Variants in KY observed in about 807,000 individuals in gnomAD.
KY encodes kyphoscoliosis peptidase.
A neutral mutation model predicts 76.1 loss-of-function variants in KY; 43 were observed. The ratio of observed to expected loss-of-function variants is 0.57; its 90% confidence interval spans 0.44 to 0.73. KY has a LOEUF of 0.73. Among genes scored for constraint, KY ranks in the 30% least tolerant of loss-of-function variants. KY has a pLI of 0.00. For synonymous variants in KY, 277 were observed against 326.2 expected (o/e 0.85, Z 1.63); for missense variants, 722 against 828.9 (o/e 0.87, Z 1.58).
rs979538811 is a variant in KY at position 134,600,716 on chromosome 3, C to T, written c.*2863G>A. On this transcript the variant is annotated 3_prime_UTR_variant, in exon 11 of 11. Coordinates refer to ENST00000423778, the MANE Select transcript of KY (RefSeq NM_178554.6). ...TCAATGGTATAGTAATGAGTGTAGT[C>T]ACAGCTGTTCCATCCAGTCCTATGT... The T allele has an allele frequency of 5.9e-5, 9 of 152,204 alleles. No individual in the cohort carries two copies. Among genetic ancestry groups the T allele is most frequent in the Non-Finnish European group, 2.9e-5 (2 of 68,060 alleles). 9.4% of individuals were successfully genotyped at this position (152,204 alleles called of 1,614,324 possible). A position where few individuals can be genotyped will look rare whatever the true frequency, so the allele number is the denominator to read the frequency against.
chr3:134,626,253 G>A (rs1176399363), intron 5 of KY, among the ~76,000 whole-genome samples: 1 of 152,222 alleles, frequency 6.6e-6, no homozygotes, highest in Non-Finnish European at 1.5e-5. Context: ...GGGCAAGTGA[G>A]GTGTGCTGGA....
At position 134,603,032 on chromosome 3, in the gene KY, A is replaced by T. The variant is rs2107729258; in HGVS notation, c.*547T>A. 6.6e-6 allele frequency: 1 copy of T among 152,442 alleles called. No individual in the cohort carries two copies. Among genetic ancestry groups the T allele is most frequent in the African/African-American group, 2.4e-5 (1 of 41,586 alleles). 9.4% of individuals were successfully genotyped at this position (152,442 alleles called of 1,614,324 possible). The stretch of plus-strand genomic sequence containing the variant: ...AAGAAGTAGCTAATGAAGAGGCAGC[A>T]GGATGCAGAAGATGATCAGGTCTGG... On this transcript the variant is annotated 3_prime_UTR_variant, in exon 11 of 11. Transcript: ENST00000423778.
At chr3:134,606,305 C>T (rs1368788570) in intron 10 of KY, among the ~76,000 whole-genome samples, 2 of 152,176 alleles carry the variant, frequency 1.3e-5, no homozygotes, top group Non-Finnish European at 2.9e-5. Context: ...CCTGGGCTCA[C>T]GGCAGAGCCC....
At chr3:134,650,282 C>T (rs1577861740) in intron 1 of KY, among the ~76,000 whole-genome samples, 1 of 152,228 alleles carries the variant, frequency 6.6e-6, no homozygotes, top group Non-Finnish European at 1.5e-5. Context: ...ACCTGCGTTC[C>T]TTTTACGCCT....
chr3:134,618,689 G>A (rs1431793866), intron 8 of KY, among the ~76,000 whole-genome samples: 5 of 152,178 alleles, frequency 3.3e-5, no homozygotes, highest in East Asian at 1.9e-4. Context: ...AAGAGTAGCC[G>A]CTTCGTAGTG....
intron 3 of KY, among the ~76,000 whole-genome samples, chr3:134,641,514 A>C (rs1476768915): frequency 6.6e-6 from 1 of 152,174 alleles, no homozygotes; most frequent in Non-Finnish European, 1.5e-5. Flanking sequence ...AGCCTCTAGC[A>C]GCAGGAAGAG....
intron 3 of KY, among the ~76,000 whole-genome samples, chr3:134,635,822 G>C (rs935980333): frequency 1.3e-5 from 2 of 152,070 alleles, no homozygotes; most frequent in African/African-American, 4.8e-5. Flanking sequence ...GATACAGAAC[G>C]ATATAAAGCA....
chr3:134,619,744 G>T (rs768800079), intron 7 of KY, among the ~76,000 whole-genome samples: 3 of 152,240 alleles, frequency 2.0e-5, no homozygotes, highest in Non-Finnish European at 4.4e-5. Flanking sequence ...TGAGGCCTGT[G>T]GTGAGGCCCT....
rs145663667 is a variant in KY, at chr3:134,618,054, C to T, written c.710+1094G>A. ...GTGGCATATTCTGTACCCTGACCCA[C>T]CGTGGCTGCGTCTGGGGCTGTGGTC... is the stretch of plus-strand genomic sequence containing the variant. On this transcript the variant is annotated intron_variant, in intron 8 of 10. Transcript: ENST00000423778. Among the ~76,000 whole-genome samples, 468 of 152,206 alleles carry T rather than the reference C, an allele frequency of 3.1e-3. 2 individuals are homozygous for T. The highest frequency in any genetic ancestry group is 0.01 in the African/African-American group (435 of 41,506).
chr3:134,616,388 C>G (rs568452209), intron 8 of KY, among the ~76,000 whole-genome samples: 1 of 152,162 alleles, frequency 6.6e-6, no homozygotes, highest in Non-Finnish European at 1.5e-5. Context: ...CCCTGACAAC[C>G]AAGAAGGGAT....
chr3:134,608,259 G>A (rs768482373), intron 10 of KY: 57 of 1,197,346 alleles, frequency 4.8e-5, no homozygotes, highest in African/African-American at 7.9e-5. Flanking sequence ...CCAGGGTGAC[G>A]TAGTCCTTTT....
chr3:134,641,787 C>T (rs1965797367), intron 3 of KY, among the ~76,000 whole-genome samples: 1 of 152,188 alleles, frequency 6.6e-6, no homozygotes, highest in African/African-American at 2.4e-5. Context: ...TATACCTTAT[C>T]TGGCTCAGGG....
At chr3:134,607,795 G>T (rs1577588264) in intron 10 of KY, 2 of 986,490 alleles carry the variant, frequency 2.0e-6, no homozygotes, top group Non-Finnish European at 2.4e-6. Flanking sequence ...GCTAAGCTGG[G>T]TATCCTATAC....
rs1018485426 is a variant in KY at position 134,601,300 on chromosome 3, G to A, written c.*2279C>T. Reference sequence around the variant, plus strand: ...ATGCCCTGCGGTGCTTTGAGGGGCGGGGCCTCCCTCTCTGGTGCTGGGGAC... The same window carrying A: ...ATGCCCTGCGGTGCTTTGAGGGGCGAGGCCTCCCTCTCTGGTGCTGGGGAC... On this transcript the variant is annotated 3_prime_UTR_variant, in exon 11 of 11. Transcript: ENST00000423778. Among the ~76,000 whole-genome samples the A allele has an allele frequency of 6.6e-6, 1 of 152,172 alleles. No homozygotes were observed. The highest frequency in any genetic ancestry group is 2.4e-5 in the African/African-American group (1 of 41,428).
chr3:134,618,740 C>T (rs547798499), intron 8 of KY, among the ~76,000 whole-genome samples: 1 of 152,294 alleles, frequency 6.6e-6, no homozygotes, highest in South Asian at 2.1e-4. Context: ...GGTGGGAGAT[C>T]TTTTGTTTCC....
chr3:134,623,064 C>T (rs1418727788), intron 6 of KY, among the ~76,000 whole-genome samples: 5 of 152,216 alleles, frequency 3.3e-5, no homozygotes, highest in Non-Finnish European at 7.3e-5. Context: ...CTCCCAGGGC[C>T]CCGAATGGTA....
chr3:134,610,646 C>T (rs1461801720), intron 8 of KY: 1 of 413,404 alleles, frequency 2.4e-6, no homozygotes, highest in Non-Finnish European at 4.3e-6. Flanking sequence ...AGACCAACAC[C>T]ATTCAGATCA....
Position 134,639,075 on chromosome 3 carries a change from T to G in KY, c.262+4241A>C, listed in dbSNP as rs377320107. On this transcript the variant is annotated intron_variant, in intron 3 of 10. Coordinates refer to ENST00000423778, the MANE Select transcript of KY (RefSeq NM_178554.6). ...TTTTTTTTTTCTACTTTGGAGTTTT[T>G]TTTTTTTTTTCCTGCAGTAGCTTAG... Among the ~76,000 whole-genome samples the G allele has an allele frequency of 5.0e-4, 75 of 151,356 alleles. 1 individual carries two copies. Among genetic ancestry groups the G allele is most frequent in the African/African-American group, 9.2e-4 (38 of 41,348 alleles).
Position 134,604,045 on chromosome 3 carries a change from G to A in KY, c.1520C>T (p.Thr507Ile). 1 of 1,614,008 alleles carries A rather than the reference G, an allele frequency of 6.2e-7. No homozygotes were observed. The highest frequency in any genetic ancestry group is 8.5e-7 in the Non-Finnish European group (1 of 1,179,876). ...HGDDGPITEE[T>I]QRRYIFQLHR... ...CAGCTGGAAGATGTAGCGCCGCTGT[G>A]TCTCCTCAGTGATGGGGCCATCATC... Residue 507 changes from threonine to isoleucine, a missense_variant, in exon 11 of 11, where the codon ACA (threonine) becomes ATA (isoleucine). Thr to Ile is a moderately conservative substitution (Grantham distance 89). Coordinates refer to ENST00000423778, the MANE Select transcript of KY (RefSeq NM_178554.6).
Sources: allele counts gnomAD v4.1 joint callset (sites outside exome capture counted in the v4.1 genomes callset), GRCh38; gene constraint gnomAD v4.1.1; transcripts MANE v1.5; gene names NCBI Gene and HGNC (gene_info 2026-07-23, HGNC 2026-07-21).